The following SLC23A2 variants were observed in gnomAD, a reference collection of about 807,000 sequenced individuals.
The protein encoded by SLC23A2 is Na(+)/L-ascorbic acid transporter 2.
Under a neutral mutation model 73.3 loss-of-function variants are expected in SLC23A2, and 36 were observed. The observed-to-expected ratio is 0.49, with a 90% CI of 0.38 to 0.65. The LOEUF (loss-of-function observed/expected upper bound fraction) is 0.65, where lower values mean the gene tolerates loss of function less well. SLC23A2 is among the 30% of genes least tolerant of loss of function. The probability of loss-of-function intolerance (pLI) is 0.00; values close to 1 mark genes in which losing one functional copy is unlikely to be tolerated. For synonymous variants in SLC23A2, 343 were observed against 327.3 expected, an observed-to-expected ratio of 1.05 and a Z score of -0.52; for missense variants, 507 against 841.6, an observed-to-expected ratio of 0.60 and a Z score of 4.92.
At chr20:4,876,326 C>A (rs1473350421) in intron 9 of SLC23A2, among the ~76,000 whole-genome samples, 1 of 152,114 alleles carries the variant, frequency 6.6e-6, no homozygotes, top group African/African-American at 2.4e-5. Flanking sequence ...GGACTGAGAC[C>A]ACACAGAATT....
chr20:4,967,074 G>A (rs2087487467), intron 2 of SLC23A2, among the ~76,000 whole-genome samples: 1 of 152,118 alleles, frequency 6.6e-6, no homozygotes, highest in Admixed American at 6.6e-5. Flanking sequence ...AGGTCAGAAG[G>A]GCTGGAGGCA....
chr20:4,862,021 G>C lies in SLC23A2; in HGVS notation c.1551C>G (p.Leu517=). Residue 517 remains leucine (L), a synonymous_variant, in exon 15 of 17, where the codon CTC becomes CTG. Transcript: ENST00000338244. The surrounding 1 kb of genome is among the most constrained non-coding windows in gnomAD (Gnocchi z 5.1). ...AGAAGATCGAAAATCCAAGCACAAAGAGGTTCCGGGAAGAATTTAAATCAA... is the reference window on the plus strand; with the variant it reads ...AGAAGATCGAAAATCCAAGCACAAACAGGTTCCGGGAAGAATTTAAATCAA... ...QFIDLNSSRN[L]FVLGFSIFFG... 1.2e-6 allele frequency: 2 copies of C among 1,614,172 alleles called. No individual in the cohort carries two copies. The highest frequency in any genetic ancestry group is 1.7e-6 in the Non-Finnish European group (2 of 1,179,984).
Position 4,874,170 on chromosome 20 carries a change from G to A in SLC23A2, c.946-78C>T, listed in dbSNP as rs546591009. 80 of 1,395,492 alleles carry A rather than the reference G, an allele frequency of 5.7e-5. 1 individual carries two copies. The Admixed American group carries it at 6.8e-4, about 12-fold the overall frequency. 86.4% of individuals were successfully genotyped at this position (1,395,492 alleles called of 1,614,324 possible). A position where few individuals can be genotyped will look rare whatever the true frequency, so the allele number is the denominator to read the frequency against. On this transcript the variant is annotated intron_variant, in intron 10 of 16. Coordinates refer to ENST00000338244, the MANE Select transcript of SLC23A2 (RefSeq NM_005116.6). The stretch of plus-strand genomic sequence containing the variant: ...GCAAAAAACACGTCTTCCCGCGGTC[G>A]GAATATCACACCCCAGAGCCCACCA...
At chr20:4,925,928 C>T (rs1242168585) in intron 3 of SLC23A2, among the ~76,000 whole-genome samples, 1 of 152,228 alleles carries the variant, frequency 6.6e-6, no homozygotes, top group African/African-American at 2.4e-5. Context: ...ATCACAGCAC[C>T]CGTGCAGAAT....
chr20:4,905,746 T>C (rs774196840), intron 4 of SLC23A2, among the ~76,000 whole-genome samples: 4 of 152,268 alleles, frequency 2.6e-5, no homozygotes, highest in Non-Finnish European at 5.9e-5. Context: ...AGTCAGCACA[T>C]ATTTTTTATA....
At position 4,863,363 on chromosome 20, in the gene SLC23A2, G is replaced by A. The variant is rs1930061923; in HGVS notation, c.1357-456C>T. ...TCCCGTGAGAGGTGGAAAAGAGAAG[G>A]GGCTACGGATGAGGACATCTGGAGC... On this transcript the variant is annotated intron_variant, in intron 13 of 16. Coordinates refer to ENST00000338244, the MANE Select transcript of SLC23A2 (RefSeq NM_005116.6). This position sits in a 1 kb window ranked among gnomAD's most constrained non-coding sequence, Gnocchi z 4.8. Among the ~76,000 whole-genome samples the A allele has an allele frequency of 3.3e-5, 5 of 152,308 alleles. No individual in the cohort carries two copies. The South Asian group carries it at 8.3e-4, about 25-fold the overall frequency.
chr20:4,897,121 C>T (rs925992930), intron 6 of SLC23A2, among the ~76,000 whole-genome samples: 12 of 152,208 alleles, frequency 7.9e-5, no homozygotes, highest in Admixed American at 7.8e-4. Flanking sequence ...TGGCCAGGCC[C>T]CGCACCTGCC....
chr20:4,938,360 CAG>C (rs1251778067), intron 2 of SLC23A2, among the ~76,000 whole-genome samples: 2 of 129,298 alleles, frequency 1.5e-5, no homozygotes, highest in Non-Finnish European at 3.2e-5. Context: ...TTTTTTGAGA[CAG>C]AGTTTCACTC....
At chr20:4,952,103 C>CAAAAAAAAAAAAAA (rs57832305) in intron 2 of SLC23A2, among the ~76,000 whole-genome samples, 3 of 40,530 alleles carry the variant, frequency 7.4e-5, no homozygotes, top group Non-Finnish European at 9.7e-5. Context: ...GACTCTGACT[C>CAAAAAAAAAAAAAA]AAAAAAAAAA....
chr20:4,921,205 A>G (rs750004027), intron 3 of SLC23A2, among the ~76,000 whole-genome samples: 11 of 152,244 alleles, frequency 7.2e-5, no homozygotes, highest in Non-Finnish European at 1.6e-4. Context: ...ATGCCACGAT[A>G]TGATACAAAG....
intron 2 of SLC23A2, among the ~76,000 whole-genome samples, chr20:4,956,523 A>G (rs1055736619): frequency 2.0e-5 from 3 of 152,240 alleles, no homozygotes; most frequent in Admixed American, 2.0e-4. Flanking sequence ...TTTTCATTTC[A>G]TATTCAATTT....
At chr20:4,897,619 C>T (rs1931592511) in intron 6 of SLC23A2, among the ~76,000 whole-genome samples, 1 of 152,174 alleles carries the variant, frequency 6.6e-6, no homozygotes, top group Admixed American at 6.5e-5. Context: ...GGAGGTGAAC[C>T]ACGCTGACCC....
chr20:4,995,204 C>T (rs1249159472), intron 1 of SLC23A2, among the ~76,000 whole-genome samples: 1 of 151,974 alleles, frequency 6.6e-6, no homozygotes, highest in African/African-American at 2.4e-5. Context: ...TAGAAGATTC[C>T]TACAGGAACA....
chr20:4,989,246 A>T (rs1185295855), intron 1 of SLC23A2, among the ~76,000 whole-genome samples: 2 of 151,856 alleles, frequency 1.3e-5, no homozygotes, highest in Non-Finnish European at 2.9e-5. Flanking sequence ...CAAAAAAAAA[A>T]AAAAGAAAAA....
intron 1 of SLC23A2, among the ~76,000 whole-genome samples, chr20:4,983,962 A>G (rs76715151): frequency 6.7e-6 from 1 of 149,706 alleles, no homozygotes; most frequent in Non-Finnish European, 1.5e-5. Context: ...GTCTAAAAGA[A>G]AAAAAAAAAG....
intron 2 of SLC23A2, among the ~76,000 whole-genome samples, chr20:4,942,721 G>A (rs1032692035): frequency 6.6e-6 from 1 of 152,178 alleles, no homozygotes; most frequent in Non-Finnish European, 1.5e-5. Flanking sequence ...AAATGTGATG[G>A]CACTGTCCAG....
At chr20:4,976,103 TCG>T (rs778810268) in intron 1 of SLC23A2, among the ~76,000 whole-genome samples, 27 of 151,922 alleles carry the variant, frequency 1.8e-4, no homozygotes, top group Admixed American at 3.3e-4. Context: ...TCCACCTGCC[TCG>T]CCCTCCCAAA....
chr20:4,938,341 T>C (rs2086992666), intron 2 of SLC23A2, among the ~76,000 whole-genome samples: 1 of 150,340 alleles, frequency 6.7e-6, no homozygotes, highest in African/African-American at 2.4e-5. Context: ...CATCTTTTTT[T>C]TTTTTTTTTT....
chr20:4,918,804 C>T (rs1932408585), intron 3 of SLC23A2, among the ~76,000 whole-genome samples: 1 of 152,178 alleles, frequency 6.6e-6, no homozygotes, highest in Non-Finnish European at 1.5e-5. Context: ...TGTCTGGCCG[C>T]TAAGAGAACC....
Sources: allele counts gnomAD v4.1 joint callset (sites outside exome capture counted in the v4.1 genomes callset), GRCh38; gene constraint gnomAD v4.1.1; non-coding constraint Gnocchi (gnomAD v3.1); transcripts MANE v1.5; gene names NCBI Gene and HGNC (gene_info 2026-07-23, HGNC 2026-07-21).